GRHL2: variants seen among roughly 807,000 people sequenced by gnomAD.
The protein encoded by GRHL2 is grainyhead-like protein 2 homolog.
GRHL2 carries 21 observed loss-of-function variants against 83.8 expected under a neutral mutation model. The ratio of observed to expected loss-of-function variants is 0.25; its 90% CI spans 0.18 to 0.36. GRHL2 has a LOEUF of 0.36. Ranked by LOEUF, GRHL2 falls within the 10% of genes least tolerant of loss-of-function variation. The probability of loss-of-function intolerance (pLI) is 1.00; values close to 1 mark genes in which losing one functional copy is unlikely to be tolerated. For synonymous variants in GRHL2, 280 were observed against 278.9 expected (o/e 1.00, Z -0.04); for missense variants, 623 against 781.8 (o/e 0.80, Z 2.42).
In GRHL2 at chr8:101,586,072, T is replaced by C. The variant is rs1468815400; in HGVS notation, c.1003+8553T>C. Among the ~76,000 whole-genome samples the C allele has an allele frequency of 3.0e-4, 34 of 111,872 alleles. 2 individuals carry two copies. Among genetic ancestry groups the C allele is most frequent in the Non-Finnish European group, 5.1e-4 (28 of 54,690 alleles). 73.4% of individuals were successfully genotyped at this position (111,872 alleles called of 152,430 possible). A position where few individuals can be genotyped will look rare whatever the true frequency, so the allele number is the denominator to read the frequency against. ...TCCTTCCACCTCATGTTTCTTTTTT[T>C]TTTTTTTTTTTTTTTTTTGAGACGG... On this transcript the variant is annotated intron_variant, in intron 7 of 15. Coordinates refer to ENST00000646743, the MANE Select transcript of GRHL2 (RefSeq NM_024915.4).
At chr8:101,541,256 C>A (rs13265291) in intron 1 of GRHL2, among the ~76,000 whole-genome samples, 76,963 of 150,898 alleles carry the variant, frequency 0.51, 20,259 homozygotes, top group Non-Finnish European at 0.57. Flanking sequence ...ATATCTTTGC[C>A]ATTGTGAATT....
intron 7 of GRHL2, among the ~76,000 whole-genome samples, chr8:101,592,100 C>CTTTTTTTTTTTTTTTTT (rs11382067): frequency 1.0e-4 from 9 of 90,300 alleles, no homozygotes; most frequent in Admixed American, 4.8e-4. Context: ...TCTTTCTTTT[C>CTTTTTTTTTTTTTTTTT]TTTTTTTTTT....
intron 11 of GRHL2, 66 bp downstream of exon 11, chr8:101,632,431 A>C: frequency 3.2e-6 from 5 of 1,586,286 alleles, no homozygotes; most frequent in Non-Finnish European, 4.3e-6. Context: ...TTAAGATAGA[A>C]GCATTTCAGA....
At chr8:101,497,268 G>A (rs181318516) in intron 1 of GRHL2, among the ~76,000 whole-genome samples, 2 of 152,296 alleles carry the variant, frequency 1.3e-5, no homozygotes, top group East Asian at 3.9e-4. Flanking sequence ...AACTTGTAGT[G>A]TAACCTACTA....
chr8:101,504,158 G>A (rs1012267363), intron 1 of GRHL2, among the ~76,000 whole-genome samples: 1 of 152,136 alleles, frequency 6.6e-6, no homozygotes, highest in Non-Finnish European at 1.5e-5. Flanking sequence ...CCGATCCCCT[G>A]CAGAAATCCC....
intron 14 of GRHL2, among the ~76,000 whole-genome samples, chr8:101,653,838 TAAC>T (rs1040587322): frequency 3.3e-5 from 5 of 152,162 alleles, no homozygotes; most frequent in Non-Finnish European, 5.9e-5. Context: ...TCAGCACTGA[TAAC>T]AAGCTTCCTG....
intron 14 of GRHL2, among the ~76,000 whole-genome samples, chr8:101,662,512 TCAGCCTC>T (rs768975159): frequency 9.0e-4 from 137 of 152,304 alleles, no homozygotes; most frequent in Non-Finnish European, 1.5e-3. Context: ...CTAGACCTCT[TCAGCCTC>T]TCTTTCCAGC....
At chr8:101,630,539 AATCT>A (rs1813166465) in intron 9 of GRHL2, among the ~76,000 whole-genome samples, 1 of 152,124 alleles carries the variant, frequency 6.6e-6, no homozygotes, top group South Asian at 2.1e-4. Context: ...TGTATTGTTA[AATCT>A]ATCTGTTTTG....
chr8:101,531,205 A>G (rs1472687743), intron 1 of GRHL2, among the ~76,000 whole-genome samples: 1 of 145,810 alleles, frequency 6.9e-6, no homozygotes, highest in Non-Finnish European at 1.5e-5. Flanking sequence ...CCTGGAGGAC[A>G]GAGCAAGACC....
intron 8 of GRHL2, among the ~76,000 whole-genome samples, chr8:101,600,407 T>C (rs1352460230): frequency 2.0e-5 from 3 of 152,242 alleles, no homozygotes; most frequent in Non-Finnish European, 4.4e-5. Flanking sequence ...CCTCCTCGGC[T>C]ACCCGAGCCC....
intron 14 of GRHL2, among the ~76,000 whole-genome samples, chr8:101,656,453 A>G (rs1813787499): frequency 6.6e-6 from 1 of 152,242 alleles, no homozygotes; most frequent in African/African-American, 2.4e-5. Flanking sequence ...ACAAATTGAT[A>G]GAGCCAACTT....
intron 14 of GRHL2, among the ~76,000 whole-genome samples, chr8:101,652,012 G>A (rs973621119): frequency 1.3e-5 from 2 of 152,144 alleles, no homozygotes; most frequent in African/African-American, 2.4e-5. Context: ...AGGACAGCAG[G>A]CTCCGTGTAA....
At chr8:101,625,350 TAAG>T (rs1298989079) in intron 9 of GRHL2, among the ~76,000 whole-genome samples, 3 of 151,954 alleles carry the variant, frequency 2.0e-5, no homozygotes, top group Non-Finnish European at 2.9e-5. Flanking sequence ...TAATAAATAA[TAAG>T]AAAAACAAAG....
intron 1 of GRHL2, among the ~76,000 whole-genome samples, chr8:101,495,104 T>C (rs1044847679): frequency 3.3e-5 from 5 of 152,202 alleles, no homozygotes; most frequent in African/African-American, 9.6e-5. Context: ...TATGCAACTA[T>C]GTGTGTGACA....
At chr8:101,637,834 A>G (rs1699315664) in intron 12 of GRHL2, among the ~76,000 whole-genome samples, 1 of 152,114 alleles carries the variant, frequency 6.6e-6, no homozygotes, top group African/African-American at 2.4e-5. Context: ...TGCTCTCTGG[A>G]TAAGTCTCAT....
chr8:101,648,132 G>T (rs1272891365), intron 13 of GRHL2, among the ~76,000 whole-genome samples: 2 of 152,128 alleles, frequency 1.3e-5, no homozygotes, highest in African/African-American at 4.8e-5. Flanking sequence ...GATGAGGGTG[G>T]CCTCTGAATG....
At chr8:101,543,746 T>C (rs1811203154) in intron 2 of GRHL2, 3 of 373,156 alleles carry the variant, frequency 8.0e-6, no homozygotes, top group South Asian at 7.2e-5. Flanking sequence ...ATGTTTACTT[T>C]AGGATTATTA....
intron 1 of GRHL2, among the ~76,000 whole-genome samples, chr8:101,534,789 TC>T (rs1272730761): frequency 3.3e-5 from 5 of 152,162 alleles, no homozygotes; most frequent in Non-Finnish European, 7.4e-5. Flanking sequence ...AAGTATGACT[TC>T]AAGTATTGCA....
intron 14 of GRHL2, among the ~76,000 whole-genome samples, chr8:101,658,088 G>A (rs1813838122): frequency 6.6e-6 from 1 of 152,150 alleles, no homozygotes; most frequent in East Asian, 1.9e-4. Context: ...TTGGCAAAGC[G>A]CATCTCCCTG....
Sources: allele counts gnomAD v4.1 joint callset (sites outside exome capture counted in the v4.1 genomes callset), GRCh38; gene constraint gnomAD v4.1.1; transcripts MANE v1.5; gene names NCBI Gene and HGNC (gene_info 2026-07-23, HGNC 2026-07-21).